Variants in CNGB3 observed in about 807,000 individuals in gnomAD.
CNGB3 encodes the protein cyclic nucleotide gated channel subunit beta 3.
CNGB3 carries 86 observed loss-of-function variants against 92.8 expected under a neutral mutation model. The observed-to-expected ratio is 0.93, with a 90% CI of 0.78 to 1.11. The LOEUF (loss-of-function observed/expected upper bound fraction) is 1.11, where lower values mean the gene tolerates loss of function less well. Among genes scored for constraint, CNGB3 ranks in the 50% least tolerant of loss-of-function variants. The pLI, the probability that CNGB3 is intolerant of heterozygous loss-of-function variation, is 0.00. For synonymous variants in CNGB3, 333 were observed against 332.7 expected, an observed-to-expected ratio of 1.00 and a Z score of -0.01; for missense variants, 1,026 against 956.8, an observed-to-expected ratio of 1.07 and a Z score of -0.95.
At chr8:86,692,979 A>T (rs925772841) in intron 3 of CNGB3, among the ~76,000 whole-genome samples, 1 of 152,138 alleles carries the variant, frequency 6.6e-6, no homozygotes, top group African/African-American at 2.4e-5. Context: ...TCTTTCCTTC[A>T]TTTATGAAGC....
chr8:86,589,663 T>C lies in CNGB3; in HGVS notation c.1782-10411A>G, dbSNP rs375159088. Among the ~76,000 whole-genome samples the C allele has an allele frequency of 2.0e-5, 3 of 152,242 alleles. No homozygotes were observed. In the South Asian group the frequency reaches 6.2e-4, roughly 31 times the overall value. ...GTTGAGCGGTTTTGAGTGAGATTCT[T>C]AGTCCTGAGTTCTAGTTTCATTGAA... On this transcript the variant is annotated intron_variant, in intron 15 of 17. Transcript: ENST00000320005.
intron 3 of CNGB3, among the ~76,000 whole-genome samples, chr8:86,711,069 A>G (rs1477707957): frequency 6.6e-6 from 1 of 152,196 alleles, no homozygotes; most frequent in Non-Finnish European, 1.5e-5. Flanking sequence ...CAAAATATGT[A>G]CTTCTAGATA....
chr8:86,576,823 A>T (rs985158626), intron 17 of CNGB3, among the ~76,000 whole-genome samples: 5 of 152,166 alleles, frequency 3.3e-5, no homozygotes, highest in Admixed American at 3.3e-4. Context: ...ACTCCCATAC[A>T]TTTTTTATGC....
intron 3 of CNGB3, among the ~76,000 whole-genome samples, chr8:86,708,175 T>TA (rs1182315326): frequency 6.6e-6 from 1 of 152,162 alleles, no homozygotes; most frequent in Non-Finnish European, 1.5e-5. Flanking sequence ...TGGGACTGAA[T>TA]AAAATCACTT....
Position 86,595,532 on chromosome 8 carries a change from AT to A in CNGB3, c.1781+8560del, listed in dbSNP as rs370349563. ...AATCAAAGAGACTATATTCAAAAGG[AT>A]GTAGTGAAAATGTAAATATGTACTC... On this transcript the variant is annotated intron_variant, in intron 15 of 17. Coordinates refer to ENST00000320005, the MANE Select transcript of CNGB3 (RefSeq NM_019098.5). Among the ~76,000 whole-genome samples the A allele has an allele frequency of 1.5e-3, 234 of 152,350 alleles. 3 individuals are homozygous for A. Among genetic ancestry groups the A allele is most frequent in the Middle Eastern group, 0.01 (3 of 294 alleles).
chr8:86,682,461 G>T (rs1824099290), intron 3 of CNGB3, among the ~76,000 whole-genome samples: 1 of 152,176 alleles, frequency 6.6e-6, no homozygotes, highest in Non-Finnish European at 1.5e-5. Flanking sequence ...CAAGAGGCCA[G>T]TTTGACAGGG....
chr8:86,700,569 G>T lies in CNGB3; in HGVS notation c.338+25962C>A, dbSNP rs571303968. ...TCTCCTCACATCTCCAATATCGTCA[G>T]GTTATGGTGTGAATCAAAACCAGTG... On this transcript the variant is annotated intron_variant, in intron 3 of 17. Coordinates refer to ENST00000320005, the MANE Select transcript of CNGB3 (RefSeq NM_019098.5). Among the ~76,000 whole-genome samples the T allele has an allele frequency of 2.6e-4, 40 of 152,286 alleles. No homozygotes were observed. The South Asian group carries it at 7.9e-3, about 30-fold the overall frequency.
intron 3 of CNGB3, among the ~76,000 whole-genome samples, chr8:86,680,641 G>A (rs1490978818): frequency 6.6e-6 from 1 of 152,156 alleles, no homozygotes; most frequent in Admixed American, 6.6e-5. Context: ...ATCTTAGCAG[G>A]ATGGCAACAA....
intron 10 of CNGB3, among the ~76,000 whole-genome samples, chr8:86,636,848 G>A (rs778429218): frequency 1.4e-4 from 21 of 151,972 alleles, no homozygotes; most frequent in Non-Finnish European, 2.4e-4. Flanking sequence ...GAGGTCAGAC[G>A]GTATTTCTCT....
intron 3 of CNGB3, among the ~76,000 whole-genome samples, chr8:86,707,203 G>C (rs1439912241): frequency 1.3e-5 from 2 of 152,088 alleles, no homozygotes; most frequent in East Asian, 1.9e-4. Context: ...ATGCCAGAAA[G>C]TCTTTTAGGA....
chr8:86,609,236 A>G (rs1184157653), intron 14 of CNGB3, among the ~76,000 whole-genome samples: 1 of 152,104 alleles, frequency 6.6e-6, no homozygotes, highest in Non-Finnish European at 1.5e-5. Context: ...ACAGTTTTCA[A>G]TCTCTGTTGC....
At position 86,666,166 on chromosome 8, in the gene CNGB3, C is replaced by T. The variant is rs181543485; in HGVS notation, c.852+759G>A. ...TTATTTTTAAAAGTATTGAAGTGAACGGTAGACTGTAATGTGATAGAAAAC... is the reference window on the plus strand; with the variant it reads ...TTATTTTTAAAAGTATTGAAGTGAATGGTAGACTGTAATGTGATAGAAAAC... On this transcript the variant is annotated intron_variant, in intron 6 of 17. Transcript: ENST00000320005. 7.6e-4 allele frequency among the ~76,000 whole-genome samples: 115 copies of T among 152,214 alleles called. No individual in the cohort carries two copies. In the South Asian group the frequency reaches 0.013, roughly 18 times the overall value.
rs574362103 is a variant in CNGB3 at position 86,717,432 on chromosome 8, G to A, written c.338+9099C>T. On this transcript the variant is annotated intron_variant, in intron 3 of 17. Coordinates refer to ENST00000320005, the MANE Select transcript of CNGB3 (RefSeq NM_019098.5). ...CAAAAAATTAGCCAGGCGTGGTGGC[G>A]TGTGCCTGTAATCCCAGCTACTGGG... Among the ~76,000 whole-genome samples, 10 of 152,002 alleles carry A rather than the reference G, an allele frequency of 6.6e-5. No individual in the cohort carries two copies. In the South Asian group the frequency reaches 8.3e-4, roughly 13 times the overall value.
chr8:86,726,467 G>C, intron 3 of CNGB3, 64 bp downstream of exon 3: 1 of 1,604,210 alleles, frequency 6.2e-7, no homozygotes, highest in Non-Finnish European at 8.5e-7. Context: ...GTGGATATTT[G>C]AGCTCTTTAG....
At chr8:86,590,418 C>A (rs1822001880) in intron 15 of CNGB3, among the ~76,000 whole-genome samples, 1 of 152,036 alleles carries the variant, frequency 6.6e-6, no homozygotes, top group Non-Finnish European at 1.5e-5. Context: ...TTAGTTGATG[C>A]AGTTTCTTCC....
intron 6 of CNGB3, chr8:86,659,233 G>A: frequency 1.3e-6 from 1 of 747,974 alleles, no homozygotes; most frequent in South Asian, 1.4e-5. Context: ...CCTCCTTTCA[G>A]ATTTTCAGTA....
intron 1 of CNGB3, 82 bp from the exon 2 acceptor site, chr8:86,739,818 CTTAA>C: frequency 6.9e-7 from 1 of 1,449,156 alleles, no homozygotes; most frequent in Non-Finnish European, 9.6e-7. Context: ...CCATTTTCCA[CTTAA>C]TTGTCAATCA....
chr8:86,735,330 G>T (rs78560486), intron 2 of CNGB3, among the ~76,000 whole-genome samples: 1 of 151,394 alleles, frequency 6.6e-6, no homozygotes, highest in Non-Finnish European at 1.5e-5. Context: ...TTTTAGTAGA[G>T]ACGGGGTTTC....
chr8:86,724,204 G>T (rs960559910), intron 3 of CNGB3, among the ~76,000 whole-genome samples: 12 of 152,090 alleles, frequency 7.9e-5, no homozygotes, highest in African/African-American at 2.7e-4. Context: ...AAGTCTTCTG[G>T]ATTTAACAGT....
Sources: allele counts gnomAD v4.1 joint callset (sites outside exome capture counted in the v4.1 genomes callset), GRCh38; gene constraint gnomAD v4.1.1; transcripts MANE v1.5; gene names NCBI Gene and HGNC (gene_info 2026-07-23, HGNC 2026-07-21).